Variants in MYO9B observed in about 807,000 individuals in gnomAD.
MYO9B encodes the protein myosin IXB, also known as unconventional myosin-IXb.
In MYO9B, 71 loss-of-function variants were observed where a neutral mutation model predicts 229.5. That is an observed-to-expected ratio of 0.31 (90% CI 0.26 to 0.38). The LOEUF (loss-of-function observed/expected upper bound fraction) is 0.38. Among genes scored for constraint, MYO9B ranks in the 10% least tolerant of loss-of-function variants. The pLI is 1.00. For synonymous variants in MYO9B, 1,185 were observed against 1,235.8 expected (o/e 0.96, Z 0.86); for missense variants, 2,255 against 2,920.5 (o/e 0.77, Z 5.25).
At position 17,196,948 on chromosome 19, in the gene MYO9B, A is replaced by C. The variant is rs567051917; in HGVS notation, c.4047-844A>C. Among the ~76,000 whole-genome samples the C allele has an allele frequency of 4.0e-5, 6 of 151,882 alleles. 1 individual carries two copies. The South Asian group carries it at 1.3e-3, about 32-fold the overall frequency. ...AGATGATAGGTAGATTATGGATGGG[A>C]GGAAGATAGAGATGATGGAGGGACG... On this transcript the variant is annotated intron_variant, in intron 22 of 39. Transcript: ENST00000682292.
chr19:17,211,590 A>G, intron 38 of MYO9B, 57 bp from the exon 39 acceptor site: 1 of 1,495,720 alleles, frequency 6.7e-7, no homozygotes, highest in Non-Finnish European at 9.1e-7. Flanking sequence ...TCTGTTCCAC[A>G]CTGGCCCAGC....
rs199630006 is a variant in MYO9B, at chr19:17,172,924, G to T, written c.2101G>T (p.Ala701Ser). The T allele has an allele frequency of 8.1e-5, 130 of 1,599,592 alleles. No individual in the cohort carries two copies. The highest frequency in any genetic ancestry group is 1.1e-4 in the Non-Finnish European group (124 of 1,179,622). ...CCGGGCCATGGCAGTGCTTCGGGAG[G>T]CCGGACGCCTGCGGGCCGAGAGGGC... The part of the protein sequence containing the change: ...AIRAMAVLRE[A>S]GRLRAERAEK... The change falls in exon 13 of 40, where the codon GCC becomes TCC. Residue 701 changes from alanine to serine, a missense_variant. By Grantham distance (99) the Ala-to-Ser change is moderately conservative. Coordinates refer to ENST00000682292, the MANE Select transcript of MYO9B (RefSeq NM_004145.4). The surrounding 1 kb of genome is among the most constrained non-coding windows in gnomAD (Gnocchi z 8.2).
Position 17,115,364 on chromosome 19 carries a change from C to T in MYO9B, c.840+12807C>T, listed in dbSNP as rs151059044. Among the ~76,000 whole-genome samples the T allele has an allele frequency of 1.5e-3, 230 of 152,182 alleles. 1 individual carries two copies. Among genetic ancestry groups the T allele is most frequent in the African/African-American group, 5.3e-3 (219 of 41,538 alleles). On this transcript the variant is annotated intron_variant, in intron 2 of 39. Transcript: ENST00000682292. ...TGGCCCACAAAGCTGAAAATATTTA[C>T]TACCTGGCCCTTTATAGGAATTTTT...
chr19:17,205,191 A>C, intron 30 of MYO9B, 72 bp from the exon 31 acceptor site: 5 of 1,240,996 alleles, frequency 4.0e-6, no homozygotes, highest in Non-Finnish European at 4.6e-6. Flanking sequence ...GCCCCCGGCC[A>C]GCTGGGTGGG....
intron 11 of MYO9B, among the ~76,000 whole-genome samples, chr19:17,171,754 C>T (rs1172306516): frequency 1.3e-5 from 2 of 152,100 alleles, no homozygotes; most frequent in Non-Finnish European, 2.9e-5. Flanking sequence ...GAGTTCAAGA[C>T]CAGCCTGGGT....
rs765748955 is a variant in MYO9B at position 17,102,109 on chromosome 19, C to A, written c.392C>A (p.Ala131Asp). ...VHMQLVAQAT[A>D]TRRLVERGLL... is the part of the protein sequence containing the mutation. ...ATGCAGCTGGTGGCGCAGGCCACAGCCACCCGGCGCCTAGTGGAGCGTGGC... is the reference window on the plus strand; with the variant it reads ...ATGCAGCTGGTGGCGCAGGCCACAGACACCCGGCGCCTAGTGGAGCGTGGC... The change falls in exon 2 of 40, where the codon GCC (alanine) becomes GAC (aspartate). Residue 131 changes from alanine to aspartate, a missense_variant. Transcript: ENST00000682292. 3 of 1,613,274 alleles carry A rather than the reference C, an allele frequency of 1.9e-6. No individual in the cohort carries two copies. Among genetic ancestry groups the A allele is most frequent in the Non-Finnish European group, 2.5e-6 (3 of 1,179,892 alleles).
At chr19:17,099,757 G>T (rs1220740477) in intron 1 of MYO9B, among the ~76,000 whole-genome samples, 2 of 147,286 alleles carry the variant, frequency 1.4e-5, no homozygotes, top group Non-Finnish European at 3.0e-5. Flanking sequence ...GGCGGAGCTT[G>T]CAGTGAGCCA....
At chr19:17,126,556 G>A (rs1359621348) in intron 2 of MYO9B, among the ~76,000 whole-genome samples, 1 of 152,124 alleles carries the variant, frequency 6.6e-6, no homozygotes, top group Non-Finnish European at 1.5e-5. Flanking sequence ...GCAGCCTTAA[G>A]CCAGACCCAG....
In MYO9B at chr19:17,162,376, C is replaced by G; in HGVS notation, c.1446C>G (p.Ala482=). The G allele has an allele frequency of 1.3e-6, 2 of 1,585,830 alleles. No homozygotes were observed. Among genetic ancestry groups the G allele is most frequent in the East Asian group, 2.3e-5 (1 of 43,222 alleles). The part of the protein sequence containing the change: ...SEAITARDSM[A]KSLYSALFDW... ...CCATCACTGCCCGCGACTCCATGGCCAAGTCTCTGTACAGCGCCCTGTTCG... is the reference window on the plus strand; with the variant it reads ...CCATCACTGCCCGCGACTCCATGGCGAAGTCTCTGTACAGCGCCCTGTTCG... Residue 482 remains alanine, a synonymous_variant, in exon 9 of 40, where the codon GCC becomes GCG. Transcript: ENST00000682292.
intron 13 of MYO9B, among the ~76,000 whole-genome samples, chr19:17,175,398 A>G (rs1033142008): frequency 2.0e-5 from 3 of 152,044 alleles, no homozygotes; most frequent in African/African-American, 7.2e-5. Flanking sequence ...CAGCCTGGCC[A>G]ATATGGCAAA....
intron 6 of MYO9B, among the ~76,000 whole-genome samples, chr19:17,155,611 AT>A (rs199922948): frequency 1.3e-5 from 2 of 150,766 alleles, no homozygotes; most frequent in Non-Finnish European, 3.0e-5. Context: ...GACCCCATCA[AT>A]TTTTTTTTAA....
intron 24 of MYO9B, among the ~76,000 whole-genome samples, chr19:17,198,606 G>A (rs1475800649): frequency 6.6e-6 from 1 of 151,956 alleles, no homozygotes; most frequent in Non-Finnish European, 1.5e-5. Context: ...ATGATGGCAG[G>A]CACCTATAAT....
At chr19:17,092,361 C>T (rs2057645924) in intron 1 of MYO9B, among the ~76,000 whole-genome samples, 1 of 152,236 alleles carries the variant, frequency 6.6e-6, no homozygotes, top group African/African-American at 2.4e-5. Flanking sequence ...TGCACATACA[C>T]AGGTGTACGC....
At chr19:17,191,364 T>A (rs959089366) in intron 20 of MYO9B, 145 bp downstream of exon 20, 14 of 1,143,676 alleles carry the variant, frequency 1.2e-5, no homozygotes, top group Non-Finnish European at 1.7e-5. Context: ...AGCAGAGCAC[T>A]GCACCTAAGG....
At chr19:17,139,751 G>A (rs992878492) in intron 2 of MYO9B, among the ~76,000 whole-genome samples, 3 of 151,788 alleles carry the variant, frequency 2.0e-5, no homozygotes, top group Non-Finnish European at 4.4e-5. Flanking sequence ...AAAAACATTG[G>A]ATGAATGGGG....
At chr19:17,175,842 T>G in intron 14 of MYO9B, 101 bp downstream of exon 14, 1 of 932,482 alleles carries the variant, frequency 1.1e-6, no homozygotes, top group Non-Finnish European at 1.5e-6. Flanking sequence ...TTTTTTTTTT[T>G]TTCTTTTGAG....
At chr19:17,202,632 C>G (rs1401275686) in intron 28 of MYO9B, among the ~76,000 whole-genome samples, 2 of 152,236 alleles carry the variant, frequency 1.3e-5, no homozygotes. Flanking sequence ...TTGTGCCACA[C>G]CTACCTCCTG....
intron 14 of MYO9B, among the ~76,000 whole-genome samples, chr19:17,177,286 G>C (rs926866602): frequency 7.5e-6 from 1 of 132,846 alleles, no homozygotes; most frequent in Non-Finnish European, 1.7e-5. Context: ...TTGTTTGTTG[G>C]TTTTTTTTTT....
chr19:17,179,246 G>A (rs76279911), intron 14 of MYO9B, among the ~76,000 whole-genome samples: 16,270 of 151,804 alleles, frequency 0.11, 1,095 homozygotes, highest in Non-Finnish European at 0.15. Context: ...GTACCGCCCC[G>A]GTTGAGAACT....
Sources: allele counts gnomAD v4.1 joint callset (sites outside exome capture counted in the v4.1 genomes callset), GRCh38; gene constraint gnomAD v4.1.1; non-coding constraint Gnocchi (gnomAD v3.1); transcripts MANE v1.5; gene names NCBI Gene and HGNC (gene_info 2026-07-23, HGNC 2026-07-21).